GPC5: variants seen among roughly 807,000 people sequenced by gnomAD.
The protein encoded by GPC5 is glypican 5.
A neutral mutation model predicts 53.9 loss-of-function variants in GPC5; 47 were observed. That is an observed-to-expected ratio of 0.87 (90% CI 0.69 to 1.11). The LOEUF is 1.11. GPC5 is among the 50% of genes most tolerant of loss of function. The pLI is 0.00. For missense variants in GPC5, 748 were observed against 713.1 expected, an observed-to-expected ratio of 1.05 and a Z score of -0.56; for synonymous variants, 286 against 263.3, an observed-to-expected ratio of 1.09 and a Z score of -0.84.
Position 91,571,770 on chromosome 13 carries a change from T to TACACAC in GPC5, c.326-121416_326-121415insCACACA, listed in dbSNP as rs1384129195. Among the ~76,000 whole-genome samples the TACACAC allele has an allele frequency of 1.2e-3, 171 of 145,772 alleles. 27 individuals carry two copies. The highest frequency in any genetic ancestry group is 3.9e-3 in the African/African-American group (155 of 39,680). ...ATACACACATATACATGTGTATGTGTATATACACACACATATACGTGTGTG... is the reference window on the plus strand; with the variant it reads ...ATACACACATATACATGTGTATGTGTACACACATATACACACACATATACGTGTGTG... On this transcript the variant is annotated intron_variant, in intron 2 of 7. Coordinates refer to ENST00000377067, the MANE Select transcript of GPC5 (RefSeq NM_004466.6).
chr13:92,038,358 A>AGAT (rs1354240510), intron 6 of GPC5, among the ~76,000 whole-genome samples: 2 of 36,870 alleles, frequency 5.4e-5, no homozygotes, highest in Admixed American at 3.9e-4. Flanking sequence ...CTAGATAGAT[A>AGAT]GATAGATAGA....
chr13:92,405,977 T>C (rs1318683828), intron 7 of GPC5, among the ~76,000 whole-genome samples: 1 of 152,168 alleles, frequency 6.6e-6, no homozygotes, highest in African/African-American at 2.4e-5. Flanking sequence ...AATAGATTGA[T>C]AGAGAATAGA....
At chr13:92,549,981 A>G (rs1252797728) in intron 7 of GPC5, among the ~76,000 whole-genome samples, 2 of 151,662 alleles carry the variant, frequency 1.3e-5, no homozygotes, top group Non-Finnish European at 2.9e-5. Context: ...ATATAATATT[A>G]CTGATAACTA....
chr13:92,771,743 T>C (rs1221512296), intron 7 of GPC5, among the ~76,000 whole-genome samples: 1 of 152,172 alleles, frequency 6.6e-6, no homozygotes, highest in Non-Finnish European at 1.5e-5. Flanking sequence ...CCTAAATGTA[T>C]TTCTTGGAGA....
intron 7 of GPC5, among the ~76,000 whole-genome samples, chr13:92,186,551 G>A (rs1409115010): frequency 6.6e-6 from 1 of 152,022 alleles, no homozygotes; most frequent in Non-Finnish European, 1.5e-5. Context: ...CAAATGCTTA[G>A]TAAGGTTTTA....
intron 6 of GPC5, among the ~76,000 whole-genome samples, chr13:92,122,551 T>C (rs1479805758): frequency 6.6e-6 from 1 of 151,806 alleles, no homozygotes; most frequent in East Asian, 1.9e-4. Context: ...TCTCAGTGTT[T>C]CTCCAGCTTC....
chr13:92,421,671 C>T (rs148532472), intron 7 of GPC5, among the ~76,000 whole-genome samples: 121 of 132,172 alleles, frequency 9.2e-4, no homozygotes, highest in African/African-American at 3.5e-3. Context: ...TGCACTCCAG[C>T]CTGTGCCACA....
intron 5 of GPC5, among the ~76,000 whole-genome samples, chr13:91,806,021 A>ATTTTTTTTT (rs71113764): frequency 1.9e-4 from 9 of 48,610 alleles, no homozygotes; most frequent in African/African-American, 4.4e-4. Context: ...AAATACAATA[A>ATTTTTTTTT]TTTTTTTTTT....
At chr13:91,884,818 A>C (rs1385194585) in intron 5 of GPC5, among the ~76,000 whole-genome samples, 1 of 152,182 alleles carries the variant, frequency 6.6e-6, no homozygotes, top group Admixed American at 6.5e-5. Context: ...AAAAATTTTT[A>C]ATACTATCTC....
At chr13:92,337,151 A>T (rs558087928) in intron 7 of GPC5, among the ~76,000 whole-genome samples, 1 of 151,984 alleles carries the variant, frequency 6.6e-6, no homozygotes, top group South Asian at 2.1e-4. Context: ...GAACAAATGT[A>T]ATTTTAAATA....
chr13:91,945,855 G>A (rs532076488), intron 6 of GPC5, among the ~76,000 whole-genome samples: 56 of 152,160 alleles, frequency 3.7e-4, no homozygotes, highest in Admixed American at 1.4e-3. Context: ...CAACCCTTGC[G>A]TTGCAAAGTG....
chr13:92,656,398 G>A (rs1408248712), intron 7 of GPC5, among the ~76,000 whole-genome samples: 1 of 152,166 alleles, frequency 6.6e-6, no homozygotes, highest in African/African-American at 2.4e-5. Flanking sequence ...GTGAAGGAGA[G>A]AAAGGGAGGA....
intron 6 of GPC5, among the ~76,000 whole-genome samples, chr13:91,915,340 A>G (rs191296113): frequency 6.6e-6 from 1 of 152,260 alleles, no homozygotes; most frequent in East Asian, 1.9e-4. Flanking sequence ...ACTATTAGAC[A>G]TTTCATTTAA....
intron 6 of GPC5, among the ~76,000 whole-genome samples, chr13:92,021,002 G>C (rs983293165): frequency 3.9e-5 from 6 of 151,984 alleles, no homozygotes; most frequent in Non-Finnish European, 8.8e-5. Context: ...TTTTGTGTAC[G>C]CCATAAAATA....
chr13:92,240,973 C>T (rs1328909470), intron 7 of GPC5: 1 of 152,162 alleles, frequency 6.6e-6, no homozygotes, highest in South Asian at 2.1e-4. Context: ...AGAAACTATT[C>T]TCTTATTTAT....
intron 7 of GPC5, among the ~76,000 whole-genome samples, chr13:92,235,576 G>C (rs577511332): frequency 2.4e-4 from 37 of 152,066 alleles, no homozygotes; most frequent in Non-Finnish European, 4.0e-4. Context: ...TTAGAGAAGT[G>C]GCCCAAATCT....
intron 3 of GPC5, among the ~76,000 whole-genome samples, chr13:91,697,474 A>G (rs1409857746): frequency 7.2e-5 from 11 of 152,168 alleles, no homozygotes; most frequent in Non-Finnish European, 1.6e-4. Flanking sequence ...CAAAGTAAAC[A>G]TTTATTTCTT....
chr13:91,813,029 G>A (rs979929479), intron 5 of GPC5, among the ~76,000 whole-genome samples: 3 of 152,138 alleles, frequency 2.0e-5, no homozygotes, highest in East Asian at 1.9e-4. Flanking sequence ...AAGTGTCACG[G>A]AAGTACTACA....
chr13:91,801,271 G>GTGTGTA (rs1425238222), intron 5 of GPC5, among the ~76,000 whole-genome samples: 1 of 151,648 alleles, frequency 6.6e-6, no homozygotes, highest in African/African-American at 2.4e-5. Context: ...GTGTGTGTGT[G>GTGTGTA]TGTGTGTGTG....
Sources: gnomAD v4.1 joint callset for allele counts (sites outside exome capture counted in the v4.1 genomes callset) on GRCh38, gnomAD v4.1.1 for gene constraint, MANE v1.5 for transcripts, NCBI Gene and HGNC (gene_info 2026-07-23, HGNC 2026-07-21) for gene names.